The following CDH18 variants were observed in gnomAD, a reference collection of about 807,000 sequenced individuals.
CDH18 encodes the protein cadherin 18.
A neutral mutation model predicts 67.9 loss-of-function variants in CDH18; 31 were observed. The ratio of observed to expected loss-of-function variants is 0.46; its 90% CI spans 0.34 to 0.62. CDH18 has a LOEUF of 0.62. Ranked by LOEUF, CDH18 falls within the 20% of genes least tolerant of loss-of-function variation. The pLI, the probability that CDH18 is intolerant of heterozygous loss-of-function variation, is 0.01. For synonymous variants in CDH18, 362 were observed against 347.2 expected (o/e 1.04, Z -0.48); for missense variants, 890 against 975.5 (o/e 0.91, Z 1.17).
At chr5:20,528,220 A>G (rs541272571) in intron 1 of CDH18, among the ~76,000 whole-genome samples, 1 of 152,230 alleles carries the variant, frequency 6.6e-6, no homozygotes, top group South Asian at 2.1e-4. Context: ...TAACTATCCT[A>G]AATATGTATG....
At chr5:19,719,064 C>T (rs1302330788) in intron 5 of CDH18, among the ~76,000 whole-genome samples, 2 of 151,970 alleles carry the variant, frequency 1.3e-5, no homozygotes, top group African/African-American at 4.8e-5. Flanking sequence ...CATACACATA[C>T]ATGTATTTAC....
At chr5:19,735,686 T>C (rs1768221384) in intron 4 of CDH18, among the ~76,000 whole-genome samples, 1 of 152,200 alleles carries the variant, frequency 6.6e-6, no homozygotes, top group African/African-American at 2.4e-5. Flanking sequence ...TGAGCCACTG[T>C]GCCCAGCCGA....
chr5:20,494,525 T>A (rs563567803), intron 1 of CDH18, among the ~76,000 whole-genome samples: 1 of 152,108 alleles, frequency 6.6e-6, no homozygotes, highest in African/African-American at 2.4e-5. Context: ...TGAAAAAGTA[T>A]AAGCACATTG....
intron 1 of CDH18, among the ~76,000 whole-genome samples, chr5:20,529,531 C>T (rs1435580089): frequency 6.6e-6 from 1 of 152,014 alleles, no homozygotes; most frequent in Admixed American, 6.6e-5. Flanking sequence ...CGTCTAAAAG[C>T]TTATCCACCA....
intron 1 of CDH18, among the ~76,000 whole-genome samples, chr5:20,526,079 G>A (rs1243894759): frequency 6.6e-6 from 1 of 151,802 alleles, no homozygotes; most frequent in African/African-American, 2.4e-5. Flanking sequence ...TCCCCTGCCA[G>A]TGCAAGGGAG....
intron 2 of CDH18, among the ~76,000 whole-genome samples, chr5:20,151,270 A>G (rs1751075890): frequency 6.6e-6 from 1 of 152,082 alleles, no homozygotes; most frequent in Admixed American, 6.6e-5. Context: ...TAATTCACTA[A>G]GGGTAAGAGC....
chr5:20,102,079 C>G (rs183812211), intron 2 of CDH18, among the ~76,000 whole-genome samples: 2 of 151,926 alleles, frequency 1.3e-5, no homozygotes, highest in African/African-American at 2.4e-5. Context: ...TCGGAAAAAA[C>G]AAAAACAAAC....
At chr5:20,546,354 C>T (rs1194869859) in intron 1 of CDH18, among the ~76,000 whole-genome samples, 1 of 152,068 alleles carries the variant, frequency 6.6e-6, no homozygotes, top group Non-Finnish European at 1.5e-5. Context: ...CAGGACCCCA[C>T]TCTGCCAGTA....
intron 5 of CDH18, among the ~76,000 whole-genome samples, chr5:19,625,467 A>G (rs1166528754): frequency 6.6e-6 from 1 of 152,064 alleles, no homozygotes; most frequent in Admixed American, 6.6e-5. Flanking sequence ...TACAAAAAAA[A>G]AGCAAAAAAG....
At chr5:19,974,955 G>T (rs1798365599) in intron 2 of CDH18, among the ~76,000 whole-genome samples, 1 of 152,042 alleles carries the variant, frequency 6.6e-6, no homozygotes, top group South Asian at 2.1e-4. Context: ...GGAACTCTAT[G>T]ACTTAAATGT....
At chr5:20,087,317 G>A (rs1580208083) in intron 2 of CDH18, among the ~76,000 whole-genome samples, 1 of 152,154 alleles carries the variant, frequency 6.6e-6, no homozygotes, top group Middle Eastern at 3.4e-3. Context: ...AAGATGATGT[G>A]AACATTGTTT....
chr5:19,757,767 A>G (rs999234021), intron 3 of CDH18, among the ~76,000 whole-genome samples: 1 of 152,178 alleles, frequency 6.6e-6, no homozygotes, highest in African/African-American at 2.4e-5. Flanking sequence ...GACAAACCAT[A>G]GGCTACAGCC....
At chr5:19,492,559 A>G (rs2126678191) in intron 11 of CDH18, among the ~76,000 whole-genome samples, 1 of 152,242 alleles carries the variant, frequency 6.6e-6, no homozygotes, top group South Asian at 2.1e-4. Flanking sequence ...CTACATTTTA[A>G]TCAGAAAACA....
intron 1 of CDH18, among the ~76,000 whole-genome samples, chr5:20,352,664 T>C (rs903660391): frequency 2.0e-5 from 3 of 150,494 alleles, no homozygotes; most frequent in African/African-American, 7.3e-5. Context: ...GCCTGGTGGC[T>C]GGCGCCTGTA....
At position 19,994,853 on chromosome 5, in the gene CDH18, TATAG is replaced by T. The variant is rs1461819323; in HGVS notation, c.-517-2843_-517-2840del. Among the ~76,000 whole-genome samples, 7 of 53,208 alleles carry T rather than the reference TATAG, an allele frequency of 1.3e-4. 1 individual carries two copies. Among genetic ancestry groups the T allele is most frequent in the African/African-American group, 1.9e-4 (2 of 10,432 alleles). The allele number at this position is 53,208 out of a possible 152,430, so 34.9% of individuals were successfully genotyped here. A position where few individuals can be genotyped will look rare whatever the true frequency, so the allele number is the denominator to read the frequency against. On this transcript the variant is annotated intron_variant, in intron 2 of 14. Transcript: ENST00000507958. ...GAATATATATATATATATATATATA[TATAG>T]AGAGAGAGAGAGAGAGAGAGATGTA...
At chr5:20,271,870 G>T (rs768460122) in intron 1 of CDH18, among the ~76,000 whole-genome samples, 1 of 151,010 alleles carries the variant, frequency 6.6e-6, no homozygotes, top group Non-Finnish European at 1.5e-5. Context: ...TAAGAGTTAT[G>T]CTGAAATATT....
At chr5:20,024,635 T>C (rs1350014664) in intron 2 of CDH18, among the ~76,000 whole-genome samples, 2 of 152,164 alleles carry the variant, frequency 1.3e-5, no homozygotes, top group Non-Finnish European at 1.5e-5. Flanking sequence ...TGGAATGACA[T>C]GCACTACTCC....
intron 2 of CDH18, among the ~76,000 whole-genome samples, chr5:19,883,743 T>C (rs546461604): frequency 1.2e-3 from 183 of 152,256 alleles, no homozygotes; most frequent in African/African-American, 4.2e-3. Context: ...AAAATGTTTA[T>C]TCTACTTGAA....
chr5:19,802,521 A>C (rs1777576416), intron 3 of CDH18, among the ~76,000 whole-genome samples: 1 of 152,182 alleles, frequency 6.6e-6, no homozygotes, highest in South Asian at 2.1e-4. Flanking sequence ...TAAAATAACA[A>C]AGTAAAATTC....
Sources: allele counts gnomAD v4.1 joint callset (sites outside exome capture counted in the v4.1 genomes callset), GRCh38; gene constraint gnomAD v4.1.1; transcripts MANE v1.5; gene names NCBI Gene and HGNC (gene_info 2026-07-23, HGNC 2026-07-21).